Variants in FAM107A observed in about 807,000 individuals in gnomAD.
FAM107A encodes the protein actin-associated protein FAM107A.
In FAM107A, 19 loss-of-function variants were observed where a neutral mutation model predicts 13.7. The observed-to-expected ratio is 1.38, with a 90% CI of 0.97 to 2.03. The LOEUF (loss-of-function observed/expected upper bound fraction) is 2.03, where lower values mean the gene tolerates loss of function less well. FAM107A is among the 30% of genes most tolerant of loss of function. The probability of loss-of-function intolerance (pLI) is 0.00; values close to 1 mark genes in which losing one functional copy is unlikely to be tolerated. For synonymous variants in FAM107A, 82 were observed against 74.5 expected (o/e 1.10, Z -0.52); for missense variants, 203 against 184.4 (o/e 1.10, Z -0.58).
chr3:58,620,393 G>A (rs2065942784), intron 1 of FAM107A, among the ~76,000 whole-genome samples: 2 of 152,226 alleles, frequency 1.3e-5, no homozygotes, highest in African/African-American at 4.8e-5. Flanking sequence ...ATGCGGTTCT[G>A]AGACAAGCTT....
At chr3:58,600,310 C>A (rs964024019) in intron 1 of FAM107A, among the ~76,000 whole-genome samples, 4 of 152,284 alleles carry the variant, frequency 2.6e-5, no homozygotes, top group Middle Eastern at 3.4e-3. Flanking sequence ...TCAGAGAAGA[C>A]CTGCCCGAGG....
At chr3:58,622,187 C>T (rs1484939284) in intron 1 of FAM107A, among the ~76,000 whole-genome samples, 3 of 152,098 alleles carry the variant, frequency 2.0e-5, no homozygotes, top group African/African-American at 7.2e-5. Context: ...ACCTGTAATC[C>T]CAGCACTTTG....
chr3:58,602,741 C>A (rs1303806812), intron 1 of FAM107A, among the ~76,000 whole-genome samples: 2 of 152,118 alleles, frequency 1.3e-5, no homozygotes, highest in Admixed American at 1.3e-4. Context: ...TGTAGTGTTA[C>A]TTTATGTATT....
At chr3:58,610,948 G>C (rs148523075) in intron 1 of FAM107A, among the ~76,000 whole-genome samples, 35 of 152,308 alleles carry the variant, frequency 2.3e-4, no homozygotes, top group South Asian at 6.2e-4. Context: ...CATGGAAAGG[G>C]ACCTGGCAGG....
chr3:58,588,755 G>A (rs1032200670), upstream of FAM107A, among the ~76,000 whole-genome samples: 26 of 151,982 alleles, frequency 1.7e-4, no homozygotes, highest in African/African-American at 6.0e-4. Flanking sequence ...CACCTCCTGG[G>A]TTCAAGCAAT....
intron 1 of FAM107A, chr3:58,573,688 A>G (rs1250201413): frequency 6.6e-6 from 1 of 152,326 alleles, no homozygotes; most frequent in African/African-American, 2.4e-5. Flanking sequence ...GCTGTTAAAG[A>G]AATGCAGGAG....
At chr3:58,585,552 C>A (rs533477226) in intron 1 of FAM107A, among the ~76,000 whole-genome samples, 17 of 152,306 alleles carry the variant, frequency 1.1e-4, no homozygotes, top group African/African-American at 4.1e-4. Context: ...GGACAGGCAC[C>A]GCCGCTGCAG....
At chr3:58,587,086 G>C in exon 1 of FAM107A, 6 of 1,366,848 alleles carry the variant, frequency 4.4e-6, no homozygotes, top group Non-Finnish European at 5.6e-6. Flanking sequence ...CGGCCGGAGG[G>C]GCGGGCGAGG....
intron 1 of FAM107A, chr3:58,626,932 C>T: frequency 6.5e-7 from 1 of 1,534,438 alleles, no homozygotes; most frequent in Non-Finnish European, 8.7e-7. Flanking sequence ...TCTCCCTTCC[C>T]ATGACCAGGG....
Position 58,566,814 on chromosome 3 carries a change from G to A in FAM107A, c.328-119C>T, listed in dbSNP as rs139294922. The A allele has an allele frequency of 6.4e-3, 4,808 of 753,658 alleles. 35 individuals are homozygous for A. The highest frequency in any genetic ancestry group is 7.8e-3 in the Non-Finnish European group (3,454 of 440,736). The allele number at this position is 753,658 out of a possible 1,614,324, so 46.7% of individuals were successfully genotyped here. A position where few individuals can be genotyped will look rare whatever the true frequency, so the allele number is the denominator to read the frequency against. ...GGGGAAACAGAACCAACCTGGGGAT[G>A]AGTTTTGCTATCAGCCTGGTAGCTG... On this transcript the variant is annotated intron_variant, in intron 3 of 3. Coordinates refer to ENST00000360997, the MANE Select transcript of FAM107A (RefSeq NM_001076778.3).
At chr3:58,596,413 C>T (rs1468778251) in intron 1 of FAM107A, among the ~76,000 whole-genome samples, 1 of 151,774 alleles carries the variant, frequency 6.6e-6, no homozygotes, top group Non-Finnish European at 1.5e-5. Context: ...TGCGGTGGCT[C>T]ACGCCTGTAA....
At chr3:58,612,411 C>T (rs1040955678) in intron 1 of FAM107A, among the ~76,000 whole-genome samples, 1 of 152,058 alleles carries the variant, frequency 6.6e-6, no homozygotes, top group African/African-American at 2.4e-5. Context: ...GATAACTCGT[C>T]TCTACAAAAT....
At chr3:58,611,789 G>A (rs750687551) in intron 1 of FAM107A, among the ~76,000 whole-genome samples, 20 of 152,216 alleles carry the variant, frequency 1.3e-4, no homozygotes, top group Non-Finnish European at 2.2e-4. Context: ...CAGTAGTGCC[G>A]ACTTCACGGG....
At chr3:58,589,137 G>T, upstream of FAM107A, 2 of 999,884 alleles carry the variant, frequency 2.0e-6, no homozygotes, top group Non-Finnish European at 3.0e-6. Context: ...GCCATGGGAT[G>T]TACTTTTGTG....
intron 1 of FAM107A, among the ~76,000 whole-genome samples, chr3:58,620,443 A>G (rs2065943459): frequency 6.6e-6 from 1 of 152,164 alleles, no homozygotes; most frequent in Non-Finnish European, 1.5e-5. Context: ...CTCACCCCAT[A>G]TAGATATTTG....
In FAM107A at chr3:58,566,432, G is replaced by A; in HGVS notation, c.*156C>T. 1.6e-6 allele frequency: 1 copy of A among 612,218 alleles called. No individual in the cohort carries two copies. The highest frequency in any genetic ancestry group is 2.8e-6 in the Non-Finnish European group (1 of 352,636). The allele number at this position is 612,218 out of a possible 1,614,324, so 37.9% of individuals were successfully genotyped here. On this transcript the variant is annotated 3_prime_UTR_variant, in exon 4 of 4. Transcript: ENST00000360997. The stretch of plus-strand genomic sequence containing the variant: ...GAGCTTAGGGGCCCCAGCCTCCCAG[G>A]GAGAGCCAGGCCCTCTGGGGTGACA...
At chr3:58,620,361 A>G (rs1318931562) in intron 1 of FAM107A, among the ~76,000 whole-genome samples, 2 of 151,998 alleles carry the variant, frequency 1.3e-5, no homozygotes, top group African/African-American at 4.8e-5. Context: ...GCTTGGCAAA[A>G]CCTGTAGGCC....
upstream of FAM107A, chr3:58,589,289 AG>A (rs2065635890): frequency 1.3e-6 from 2 of 1,507,540 alleles, no homozygotes; most frequent in South Asian, 1.2e-5. Context: ...GAAAGAAAGT[AG>A]GTGGAGTTGA....
intron 1 of FAM107A, among the ~76,000 whole-genome samples, chr3:58,610,428 T>A (rs2065842373): frequency 6.6e-6 from 1 of 152,144 alleles, no homozygotes; most frequent in East Asian, 1.9e-4. Context: ...AGTCCAAATT[T>A]GGAACTTGAC....
Sources: allele counts gnomAD v4.1 joint callset (sites outside exome capture counted in the v4.1 genomes callset), GRCh38; gene constraint gnomAD v4.1.1; transcripts MANE v1.5; gene names NCBI Gene and HGNC (gene_info 2026-07-23, HGNC 2026-07-21).